Variants in ADAM22 observed in about 807,000 individuals in gnomAD.
The protein encoded by ADAM22 is ADAM metallopeptidase domain 22.
Under a neutral mutation model 144.6 loss-of-function variants are expected in ADAM22, and 65 were observed. The ratio of observed to expected loss-of-function variants is 0.45; its 90% CI spans 0.37 to 0.55. ADAM22 has a LOEUF of 0.55. Ranked by LOEUF, ADAM22 falls within the 20% of genes least tolerant of loss-of-function variation. The probability of loss-of-function intolerance (pLI) is 0.00; values close to 1 mark genes in which losing one functional copy is unlikely to be tolerated. For missense variants in ADAM22, 974 were observed against 1,184.9 expected, an observed-to-expected ratio of 0.82 and a Z score of 2.61; for synonymous variants, 391 against 412.6, an observed-to-expected ratio of 0.95 and a Z score of 0.63.
intron 21 of ADAM22, among the ~76,000 whole-genome samples, chr7:88,155,207 C>T (rs1439991744): frequency 1.3e-5 from 2 of 151,790 alleles, no homozygotes; most frequent in East Asian, 1.9e-4. Context: ...AATGCTCATC[C>T]AAATATCATT....
intron 4 of ADAM22, among the ~76,000 whole-genome samples, chr7:88,081,430 C>G (rs1224524833): frequency 6.6e-6 from 1 of 152,144 alleles, no homozygotes; most frequent in Non-Finnish European, 1.5e-5. Flanking sequence ...AAAACCGGCA[C>G]AAGACAGGGA....
At chr7:88,025,372 A>G (rs1289850782) in intron 3 of ADAM22, among the ~76,000 whole-genome samples, 3 of 152,134 alleles carry the variant, frequency 2.0e-5, no homozygotes, top group Admixed American at 6.6e-5. Context: ...GAAGCTTTTT[A>G]ACTTAATGTG....
chr7:87,947,251 G>T lies in ADAM22; in HGVS notation c.246+12065G>T, dbSNP rs549450433. On this transcript the variant is annotated intron_variant, in intron 2 of 31. Transcript: ENST00000413139. ...AAAGATTATGAAAGCTTTGATTCAG[G>T]GCTACAAAAATGTTCTCACTTTTTA... Among the ~76,000 whole-genome samples, 15 of 150,924 alleles carry T rather than the reference G, an allele frequency of 9.9e-5. No individual in the cohort carries two copies. The East Asian group carries it at 2.9e-3, about 29-fold the overall frequency.
At chr7:88,116,960 G>A (rs1827909171) in intron 7 of ADAM22, 146 bp downstream of exon 7, 1 of 589,788 alleles carries the variant, frequency 1.7e-6, no homozygotes, top group African/African-American at 1.9e-5. Flanking sequence ...CGTCAAGAGG[G>A]AGAATAAAAT....
intron 4 of ADAM22, among the ~76,000 whole-genome samples, chr7:88,097,308 T>A (rs1050242797): frequency 1.3e-5 from 2 of 151,716 alleles, no homozygotes; most frequent in African/African-American, 4.8e-5. Context: ...TGCGCCATTA[T>A]GCCCGGCTAA....
intron 3 of ADAM22, among the ~76,000 whole-genome samples, chr7:88,063,413 A>C (rs1194669027): frequency 6.6e-6 from 1 of 152,154 alleles, no homozygotes; most frequent in Non-Finnish European, 1.5e-5. Context: ...TAGGAGAGAC[A>C]AGATAAAAAC....
chr7:87,968,072 G>T (rs1317477276), intron 2 of ADAM22, among the ~76,000 whole-genome samples: 2 of 152,068 alleles, frequency 1.3e-5, no homozygotes, highest in Non-Finnish European at 2.9e-5. Flanking sequence ...AAATAATGCA[G>T]GAATTTAGTA....
chr7:88,169,821 G>C (rs1440253068), intron 25 of ADAM22, among the ~76,000 whole-genome samples: 1 of 152,086 alleles, frequency 6.6e-6, no homozygotes, highest in African/African-American at 2.4e-5. Flanking sequence ...GTCATCACAA[G>C]CATTATTGTG....
intron 3 of ADAM22, among the ~76,000 whole-genome samples, chr7:88,060,185 G>A (rs1809406781): frequency 6.6e-6 from 1 of 152,142 alleles, no homozygotes; most frequent in Non-Finnish European, 1.5e-5. Context: ...CCTCAGTGTT[G>A]ATGGCTGCTG....
intron 20 of ADAM22, among the ~76,000 whole-genome samples, chr7:88,151,696 T>C (rs186936151): frequency 1.2e-4 from 18 of 152,338 alleles, no homozygotes; most frequent in Non-Finnish European, 2.1e-4. Context: ...ACGTGGACCC[T>C]GGACAGGACG....
intron 2 of ADAM22, among the ~76,000 whole-genome samples, chr7:87,955,287 G>C (rs1846369743): frequency 4.6e-5 from 7 of 152,178 alleles, no homozygotes; most frequent in Admixed American, 4.6e-4. Flanking sequence ...GGTCTTTGAT[G>C]ATGGTGATGT....
intron 2 of ADAM22, among the ~76,000 whole-genome samples, chr7:87,944,237 T>C (rs1245991764): frequency 6.6e-6 from 1 of 152,038 alleles, no homozygotes; most frequent in Non-Finnish European, 1.5e-5. Context: ...CCTAGGCACT[T>C]CAAGGTTAGG....
At chr7:88,086,867 C>T (rs1288285949) in intron 4 of ADAM22, among the ~76,000 whole-genome samples, 1 of 152,082 alleles carries the variant, frequency 6.6e-6, no homozygotes, top group Non-Finnish European at 1.5e-5. Context: ...TTGAAATGAA[C>T]AGTTATATAG....
intron 7 of ADAM22, among the ~76,000 whole-genome samples, chr7:88,118,664 T>C (rs1349963924): frequency 2.0e-5 from 3 of 150,296 alleles, no homozygotes; most frequent in Admixed American, 6.7e-5. Flanking sequence ...TCTATATATA[T>C]ATATATCTTT....
At chr7:87,975,152 G>A (rs946847879) in intron 2 of ADAM22, among the ~76,000 whole-genome samples, 1 of 152,072 alleles carries the variant, frequency 6.6e-6, no homozygotes, top group African/African-American at 2.4e-5. Context: ...TATTAATGTT[G>A]TTACCTGGAT....
At chr7:88,192,031 A>G (rs1430891114) in intron 30 of ADAM22, among the ~76,000 whole-genome samples, 1 of 152,140 alleles carries the variant, frequency 6.6e-6, no homozygotes, top group Non-Finnish European at 1.5e-5. Flanking sequence ...GAAAAAAGAC[A>G]CCTTTATGCT....
intron 4 of ADAM22, among the ~76,000 whole-genome samples, chr7:88,103,918 A>G (rs1823655739): frequency 6.6e-6 from 1 of 152,146 alleles, no homozygotes; most frequent in African/African-American, 2.4e-5. Flanking sequence ...TGCAGTGTAT[A>G]TTCTAAAACA....
chr7:87,985,848 A>G (rs1291148659), intron 3 of ADAM22, among the ~76,000 whole-genome samples: 1 of 152,170 alleles, frequency 6.6e-6, no homozygotes. Flanking sequence ...TGGTTGGATC[A>G]TATGGTAGTT....
chr7:88,030,792 T>G (rs895339334), intron 3 of ADAM22, among the ~76,000 whole-genome samples: 2 of 152,148 alleles, frequency 1.3e-5, no homozygotes, highest in Non-Finnish European at 2.9e-5. Flanking sequence ...AGCAGAAGCC[T>G]GTGCAGCCTG....
Sources: allele counts gnomAD v4.1 joint callset (sites outside exome capture counted in the v4.1 genomes callset), GRCh38; gene constraint gnomAD v4.1.1; transcripts MANE v1.5; gene names NCBI Gene and HGNC (gene_info 2026-07-23, HGNC 2026-07-21).